EXOC4: variants seen among roughly 807,000 people sequenced by gnomAD.
EXOC4 encodes the protein SEC8-like 1.
A neutral mutation model predicts 107.2 loss-of-function variants in EXOC4; 71 were observed. The ratio of observed to expected loss-of-function variants is 0.66; its 90% CI spans 0.55 to 0.81. The LOEUF (loss-of-function observed/expected upper bound fraction) is 0.81, where lower values mean the gene tolerates loss of function less well. EXOC4 is among the 30% of genes least tolerant of loss of function. The pLI is 0.00. For missense variants in EXOC4, 1,108 were observed against 1,189.6 expected (o/e 0.93, Z 1.01); for synonymous variants, 456 against 441.2 (o/e 1.03, Z -0.42).
chr7:133,942,908 T>C (rs1443490745), intron 14 of EXOC4, among the ~76,000 whole-genome samples: 1 of 152,196 alleles, frequency 6.6e-6, no homozygotes, highest in Admixed American at 6.5e-5. Flanking sequence ...AATTTGCCAC[T>C]CTCTATTTTT....
At chr7:133,555,294 A>G (rs1364531454) in intron 9 of EXOC4, among the ~76,000 whole-genome samples, 1 of 152,222 alleles carries the variant, frequency 6.6e-6, no homozygotes, top group Non-Finnish European at 1.5e-5. Flanking sequence ...TTTATGTTTC[A>G]ACTTCAAAGA....
At chr7:133,551,308 A>G (rs1487900572) in intron 9 of EXOC4, among the ~76,000 whole-genome samples, 1 of 152,112 alleles carries the variant, frequency 6.6e-6, no homozygotes, top group Non-Finnish European at 1.5e-5. Flanking sequence ...CGTACTTTTT[A>G]GTTGCACAGC....
chr7:133,853,212 A>G (rs1395094011), intron 11 of EXOC4, among the ~76,000 whole-genome samples: 1 of 151,994 alleles, frequency 6.6e-6, no homozygotes, highest in East Asian at 1.9e-4. Flanking sequence ...TATTCACTAG[A>G]TGGAATACCT....
intron 10 of EXOC4, among the ~76,000 whole-genome samples, chr7:133,661,421 G>A (rs948310027): frequency 7.8e-4 from 119 of 152,064 alleles, no homozygotes; most frequent in African/African-American, 2.8e-3. Flanking sequence ...CTTCCTCTGG[G>A]CAAAAGTGTA....
At chr7:133,499,266 G>A (rs1373923158) in intron 9 of EXOC4, among the ~76,000 whole-genome samples, 2 of 152,064 alleles carry the variant, frequency 1.3e-5, no homozygotes, top group Admixed American at 6.6e-5. Flanking sequence ...CTTGCAGTCA[G>A]GGACCAAGTC....
At chr7:134,030,340 A>G (rs1004503937) in intron 17 of EXOC4, among the ~76,000 whole-genome samples, 1 of 152,246 alleles carries the variant, frequency 6.6e-6, no homozygotes, top group Non-Finnish European at 1.5e-5. Flanking sequence ...TATGTCCATC[A>G]ATGATGAGTG....
At chr7:133,501,560 C>G (rs934875078) in intron 9 of EXOC4, among the ~76,000 whole-genome samples, 1 of 152,240 alleles carries the variant, frequency 6.6e-6, no homozygotes, top group Non-Finnish European at 1.5e-5. Context: ...AGGGGAGAAG[C>G]TCAAACCTTG....
At chr7:133,468,713 A>G (rs913197660) in intron 7 of EXOC4, among the ~76,000 whole-genome samples, 2 of 152,136 alleles carry the variant, frequency 1.3e-5, no homozygotes, top group African/African-American at 4.8e-5. Flanking sequence ...AGCCAGAGGA[A>G]TTCGCCTACT....
At chr7:133,747,244 A>G (rs752118562) in intron 10 of EXOC4, among the ~76,000 whole-genome samples, 3 of 152,168 alleles carry the variant, frequency 2.0e-5, no homozygotes, top group East Asian at 1.9e-4. Context: ...ATACCATGCT[A>G]TTATTGCTCT....
intron 14 of EXOC4, among the ~76,000 whole-genome samples, chr7:133,992,275 T>TTTGTG (rs1554431887): frequency 0.01 from 3 of 296 alleles, no homozygotes; most frequent in African/African-American, 0.05. Context: ...TGCTACTGGA[T>TTTGTG]TTTTGTTTTG....
rs1482697140 is a variant in EXOC4, at chr7:134,037,945, C to A, written c.2688-26346C>A. Among the ~76,000 whole-genome samples, 9 of 152,130 alleles carry A rather than the reference C, an allele frequency of 5.9e-5. 1 individual carries two copies. Among genetic ancestry groups the A allele is most frequent in the Admixed American group, 5.9e-4 (9 of 15,282 alleles). On this transcript the variant is annotated intron_variant, in intron 17 of 17. Coordinates refer to ENST00000253861, the MANE Select transcript of EXOC4 (RefSeq NM_021807.4). ...AACTCAGGTGTTCTCTGATTCTGAT[C>A]CCGGGGAGTTTTTTCAAAATGCCTA...
intron 9 of EXOC4, among the ~76,000 whole-genome samples, chr7:133,522,331 G>C (rs1327246381): frequency 6.6e-6 from 1 of 152,008 alleles, no homozygotes; most frequent in East Asian, 1.9e-4. Context: ...ATGAATTTCA[G>C]GAAATACACA....
At chr7:134,052,943 A>G (rs1795831657) in intron 17 of EXOC4, among the ~76,000 whole-genome samples, 1 of 152,188 alleles carries the variant, frequency 6.6e-6, no homozygotes, top group Non-Finnish European at 1.5e-5. Context: ...ATACAGATCA[A>G]TTATTTCATT....
chr7:133,933,398 C>G (rs1800225831), intron 13 of EXOC4, among the ~76,000 whole-genome samples: 1 of 152,090 alleles, frequency 6.6e-6, no homozygotes, highest in Non-Finnish European at 1.5e-5. Context: ...GGATCCAGTA[C>G]CCAAAACATT....
At chr7:133,286,786 G>A (rs1246669055) in intron 2 of EXOC4, among the ~76,000 whole-genome samples, 1 of 152,210 alleles carries the variant, frequency 6.6e-6, no homozygotes, top group Non-Finnish European at 1.5e-5. Context: ...GGATCGTACT[G>A]TTTAATATGT....
intron 10 of EXOC4, among the ~76,000 whole-genome samples, chr7:133,719,996 A>C (rs1795074296): frequency 6.6e-6 from 1 of 152,136 alleles, no homozygotes; most frequent in Admixed American, 6.5e-5. Flanking sequence ...GTGATTGATT[A>C]TATATGATTG....
intron 10 of EXOC4, among the ~76,000 whole-genome samples, chr7:133,811,365 T>C (rs1007021204): frequency 1.3e-5 from 2 of 152,172 alleles, no homozygotes; most frequent in South Asian, 2.1e-4. Flanking sequence ...GTTGGGAAAA[T>C]TGGGCTTTTT....
At chr7:133,917,786 A>G (rs756694283) in intron 13 of EXOC4, 48 bp downstream of exon 13, 2 of 1,544,836 alleles carry the variant, frequency 1.3e-6, no homozygotes, top group South Asian at 1.2e-5. Context: ...GAGGAAGCAC[A>G]TCTGTTTAGC....
chr7:133,700,636 A>G (rs1794637595), intron 10 of EXOC4, among the ~76,000 whole-genome samples: 1 of 152,192 alleles, frequency 6.6e-6, no homozygotes, highest in Admixed American at 6.5e-5. Flanking sequence ...GTTAAGATGT[A>G]TATGTCAGAT....
Sources: allele counts gnomAD v4.1 joint callset (sites outside exome capture counted in the v4.1 genomes callset), GRCh38; gene constraint gnomAD v4.1.1; transcripts MANE v1.5; gene names NCBI Gene and HGNC (gene_info 2026-07-23, HGNC 2026-07-21).